NUP205: variants seen among roughly 807,000 people sequenced by gnomAD.
The protein encoded by NUP205 is nucleoporin 205.
In NUP205, 76 loss-of-function variants were observed where a neutral mutation model predicts 253.8. The observed-to-expected ratio is 0.30, with a 90% CI of 0.25 to 0.36. The LOEUF is 0.36. Among genes scored for constraint, NUP205 ranks in the 10% least tolerant of loss-of-function variants. The pLI is 1.00. For synonymous variants in NUP205, 832 were observed against 850.1 expected, an observed-to-expected ratio of 0.98 and a Z score of 0.37; for missense variants, 2,162 against 2,425.5, an observed-to-expected ratio of 0.89 and a Z score of 2.28.
At chr7:135,599,522 A>G (rs563578816) in intron 15 of NUP205, among the ~76,000 whole-genome samples, 1 of 152,312 alleles carries the variant, frequency 6.6e-6, no homozygotes, top group African/African-American at 2.4e-5. Flanking sequence ...CAGATGAATA[A>G]TGAGTGCTGA....
intron 1 of NUP205, among the ~76,000 whole-genome samples, chr7:135,563,430 G>GCC (rs1805649891): frequency 6.6e-6 from 1 of 151,940 alleles, no homozygotes; most frequent in Non-Finnish European, 1.5e-5. Flanking sequence ...CTCGTGATGT[G>GCC]GCCCGCCTTG....
intron 12 of NUP205, 110 bp downstream of exon 12, chr7:135,593,302 A>G: frequency 1.1e-6 from 1 of 946,196 alleles, no homozygotes; most frequent in Non-Finnish European, 1.6e-6. Context: ...GCCTATCTAG[A>G]TAGACAGATA....
intron 19 of NUP205, among the ~76,000 whole-genome samples, chr7:135,605,752 A>G (rs1794072799): frequency 6.6e-6 from 1 of 152,218 alleles, no homozygotes. Flanking sequence ...GATAAGTAAT[A>G]CATTTCTAAA....
At chr7:135,625,042 G>C in intron 31 of NUP205, 122 bp from the exon 32 acceptor site, 1 of 837,330 alleles carries the variant, frequency 1.2e-6, no homozygotes, top group South Asian at 1.8e-5. Flanking sequence ...TTTGTTGCAA[G>C]TAACATTCTC....
intron 40 of NUP205, 41 bp from the exon 41 acceptor site, chr7:135,645,427 T>C (rs1471268634): frequency 8.1e-6 from 13 of 1,595,446 alleles, no homozygotes; most frequent in Non-Finnish European, 1.1e-5. Context: ...GTAAAACATA[T>C]TTGATGAGAT....
chr7:135,594,058 T>C (rs1301928189), intron 12 of NUP205, among the ~76,000 whole-genome samples: 1 of 152,156 alleles, frequency 6.6e-6, no homozygotes, highest in East Asian at 1.9e-4. Context: ...TGTATACATA[T>C]ATCAAAATAT....
intron 42 of NUP205, among the ~76,000 whole-genome samples, chr7:135,647,356 T>G (rs1391633517): frequency 6.6e-6 from 1 of 152,242 alleles, no homozygotes; most frequent in Non-Finnish European, 1.5e-5. Context: ...CACAGCTTGC[T>G]GGATATCATG....
intron 35 of NUP205, among the ~76,000 whole-genome samples, chr7:135,635,034 T>G (rs557390092): frequency 6.6e-6 from 1 of 152,172 alleles, no homozygotes; most frequent in African/African-American, 2.4e-5. Flanking sequence ...TGACATGTTA[T>G]GGTCACTGGC....
intron 8 of NUP205, 33 bp from the exon 9 acceptor site, chr7:135,587,542 A>G: frequency 7.8e-7 from 1 of 1,282,116 alleles, no homozygotes; most frequent in Non-Finnish European, 1.1e-6. Context: ...CAATACATTT[A>G]CATATTAAAA....
At chr7:135,646,130 C>T (rs375153433) in intron 41 of NUP205, 28 bp from the exon 42 acceptor site, 28 of 1,499,718 alleles carry the variant, frequency 1.9e-5, no homozygotes, top group East Asian at 9.0e-5. Flanking sequence ...CTTGCACAGC[C>T]GGTATGACTC....
At chr7:135,575,484 G>A (rs1357875358) in intron 3 of NUP205, among the ~76,000 whole-genome samples, 1 of 151,974 alleles carries the variant, frequency 6.6e-6, no homozygotes, top group Non-Finnish European at 1.5e-5. Context: ...GAAACTATAG[G>A]CAAAGTACTC....
At chr7:135,571,877 A>AT (rs1287429822) in intron 2 of NUP205, among the ~76,000 whole-genome samples, 1 of 152,164 alleles carries the variant, frequency 6.6e-6, no homozygotes, top group Non-Finnish European at 1.5e-5. Context: ...TTTTCTAGAT[A>AT]TTTTTTAAAG....
Position 135,592,978 on chromosome 7 carries a change from T to A in NUP205, c.1625-9T>A. 1 of 1,593,716 alleles carries A rather than the reference T, an allele frequency of 6.3e-7. No individual in the cohort carries two copies. The highest frequency in any genetic ancestry group is 8.6e-7 in the Non-Finnish European group (1 of 1,162,198). On this transcript the variant is annotated splice_polypyrimidine_tract_variant and intron_variant, in intron 11 of 42. Coordinates refer to ENST00000285968, the MANE Select transcript of NUP205 (RefSeq NM_015135.3). ...TTTAAATAAAATTCTGTGCTGTTTT[T>A]CTTTATAGTTGAAAATATTCAGGGA...
At position 135,638,622 on chromosome 7, in the gene NUP205, T is replaced by C. The variant is rs1367896515; in HGVS notation, c.5331T>C (p.His1777=). Residue 1777 remains histidine (H), a synonymous_variant, in exon 38 of 43, where the codon CAT becomes CAC. Transcript: ENST00000285968. ...LMLQSSPTFQ[H]AVCLFTPSLS... ...TACAGAGTTCCCCTACCTTCCAGCA[T>C]GCTGTGTGTCTCTTCACTCCTAGCC... 1 of 1,614,016 alleles carries C rather than the reference T, an allele frequency of 6.2e-7. No homozygotes were observed. Among genetic ancestry groups the C allele is most frequent in the African/African-American group, 1.3e-5 (1 of 75,030 alleles).
intron 22 of NUP205, 130 bp downstream of exon 22, chr7:135,607,501 T>C: frequency 3.0e-6 from 3 of 1,011,618 alleles, no homozygotes; most frequent in Non-Finnish European, 1.4e-6. Context: ...TTGACCTGTC[T>C]TTCATTTGTG....
intron 7 of NUP205, among the ~76,000 whole-genome samples, chr7:135,580,606 T>C (rs568403671): frequency 6.6e-6 from 1 of 151,990 alleles, no homozygotes; most frequent in East Asian, 1.9e-4. Context: ...GGGACTATAG[T>C]CGCACGCCGC....
intron 30 of NUP205, among the ~76,000 whole-genome samples, chr7:135,621,133 G>A (rs1794462795): frequency 6.6e-6 from 1 of 152,148 alleles, no homozygotes; most frequent in Non-Finnish European, 1.5e-5. Context: ...TGTACGTAAG[G>A]TTGACTTGAT....
chr7:135,589,471 A>G (rs1172691903), intron 10 of NUP205, among the ~76,000 whole-genome samples: 2 of 150,914 alleles, frequency 1.3e-5, no homozygotes, highest in Non-Finnish European at 1.5e-5. Flanking sequence ...TATTTTTAGT[A>G]GAGATGGGGT....
intron 34 of NUP205, among the ~76,000 whole-genome samples, chr7:135,629,468 T>G (rs1477010481): frequency 1.2e-5 from 1 of 82,030 alleles, no homozygotes; most frequent in Non-Finnish European, 2.5e-5. Context: ...AGTGAGACCC[T>G]ATCTCTCTCT....
Sources: allele counts gnomAD v4.1 joint callset (sites outside exome capture counted in the v4.1 genomes callset), GRCh38; gene constraint gnomAD v4.1.1; transcripts MANE v1.5; gene names NCBI Gene and HGNC (gene_info 2026-07-23, HGNC 2026-07-21).